Variants in RIMS2 observed in about 807,000 individuals in gnomAD.
RIMS2 encodes regulating synaptic membrane exocytosis protein 2.
RIMS2 carries 59 observed loss-of-function variants against 174.4 expected under a neutral mutation model. The ratio of observed to expected loss-of-function variants is 0.34; its 90% CI spans 0.27 to 0.42. The LOEUF is 0.42. Among genes scored for constraint, RIMS2 ranks in the 10% least tolerant of loss-of-function variants. RIMS2 has a pLI of 1.00. For missense variants in RIMS2, 1,620 were observed against 1,666.3 expected, an observed-to-expected ratio of 0.97 and a Z score of 0.48; for synonymous variants, 606 against 572.5, an observed-to-expected ratio of 1.06 and a Z score of -0.84.
chr8:103,836,514 C>A (rs2098892902), intron 3 of RIMS2, among the ~76,000 whole-genome samples: 1 of 152,156 alleles, frequency 6.6e-6, no homozygotes, highest in Admixed American at 6.5e-5. Context: ...TGAGCCATGA[C>A]ATGTTTGCAC....
intron 19 of RIMS2, among the ~76,000 whole-genome samples, chr8:104,224,137 T>G (rs1018277902): frequency 1.3e-5 from 2 of 152,226 alleles, no homozygotes; most frequent in African/African-American, 4.8e-5. Flanking sequence ...AGTCCGGGTA[T>G]TAGCATTCGG....
chr8:104,042,358 T>C (rs1464359604), intron 19 of RIMS2, among the ~76,000 whole-genome samples: 1 of 151,636 alleles, frequency 6.6e-6, no homozygotes, highest in Non-Finnish European at 1.5e-5. Context: ...TACTGACACA[T>C]ATAAAGCAAC....
At chr8:104,044,098 C>T (rs2096652654) in intron 19 of RIMS2, among the ~76,000 whole-genome samples, 2 of 151,546 alleles carry the variant, frequency 1.3e-5, no homozygotes, top group African/African-American at 4.8e-5. Context: ...AGATAGTATT[C>T]TTGAAGGGTC....
At chr8:104,000,740 A>C (rs1264416059) in intron 17 of RIMS2, among the ~76,000 whole-genome samples, 1 of 151,710 alleles carries the variant, frequency 6.6e-6, no homozygotes, top group Non-Finnish European at 1.5e-5. Context: ...GAATTTTTTT[A>C]TAATAGGCAT....
chr8:103,634,667 C>T (rs890898239), intron 1 of RIMS2, among the ~76,000 whole-genome samples: 28 of 152,146 alleles, frequency 1.8e-4, no homozygotes, highest in Non-Finnish European at 3.1e-4. Flanking sequence ...CTCTGTAATT[C>T]TCTAGGAACT....
intron 14 of RIMS2, among the ~76,000 whole-genome samples, chr8:103,950,370 AT>A (rs1283109348): frequency 1.3e-5 from 2 of 152,204 alleles, no homozygotes; most frequent in Non-Finnish European, 2.9e-5. Flanking sequence ...AGCATATTAA[AT>A]TTAGAAATAT....
intron 1 of RIMS2, among the ~76,000 whole-genome samples, chr8:103,618,322 A>G (rs2095553562): frequency 1.3e-5 from 2 of 151,158 alleles, no homozygotes; most frequent in Non-Finnish European, 3.0e-5. Flanking sequence ...ATCTACTTGA[A>G]TGGGGAGGGT....
chr8:104,029,483 T>C (rs2096338598), intron 19 of RIMS2, among the ~76,000 whole-genome samples: 1 of 152,204 alleles, frequency 6.6e-6, no homozygotes, highest in South Asian at 2.1e-4. Context: ...ATATTACCTT[T>C]TCTATCAATC....
chr8:103,526,753 T>C (rs1834178587), intron 1 of RIMS2, among the ~76,000 whole-genome samples: 1 of 151,812 alleles, frequency 6.6e-6, no homozygotes, highest in Non-Finnish European at 1.5e-5. Context: ...AATATAACAG[T>C]ATGTAGGAGA....
At chr8:104,055,373 A>G (rs942532790) in intron 19 of RIMS2, among the ~76,000 whole-genome samples, 4 of 152,178 alleles carry the variant, frequency 2.6e-5, no homozygotes, top group African/African-American at 9.6e-5. Context: ...GGGTGATAAT[A>G]CATGCTACTC....
At chr8:104,194,360 AGT>A (rs2099013043) in intron 19 of RIMS2, among the ~76,000 whole-genome samples, 4 of 152,176 alleles carry the variant, frequency 2.6e-5, no homozygotes, top group Admixed American at 2.6e-4. Context: ...GTGCTCTTAT[AGT>A]GTTTCAAAAT....
chr8:103,933,684 G>A (rs1248640532), intron 12 of RIMS2, among the ~76,000 whole-genome samples: 1 of 152,016 alleles, frequency 6.6e-6, no homozygotes, highest in Non-Finnish European at 1.5e-5. Flanking sequence ...AAATTTTATA[G>A]CTTACTTTAT....
intron 2 of RIMS2, among the ~76,000 whole-genome samples, chr8:103,703,711 TAGTTA>T (rs1268856658): frequency 2.0e-5 from 3 of 152,224 alleles, no homozygotes. Flanking sequence ...TTCTCTTCTT[TAGTTA>T]AGTTTATTCC....
chr8:103,744,442 T>TA (rs2097788762), intron 2 of RIMS2, among the ~76,000 whole-genome samples: 1 of 152,242 alleles, frequency 6.6e-6, no homozygotes, highest in Non-Finnish European at 1.5e-5. Flanking sequence ...AATTATATTA[T>TA]TTTCATAAAA....
chr8:103,917,552 G>T (rs1218622821), intron 8 of RIMS2, among the ~76,000 whole-genome samples: 3 of 152,148 alleles, frequency 2.0e-5, no homozygotes, highest in Admixed American at 6.5e-5. Flanking sequence ...ATATTTTAAA[G>T]AATTTATAGT....
At chr8:103,655,205 C>G (rs1339581335) in intron 1 of RIMS2, among the ~76,000 whole-genome samples, 1 of 151,828 alleles carries the variant, frequency 6.6e-6, no homozygotes, top group Non-Finnish European at 1.5e-5. Context: ...TTAATTCACC[C>G]TTTGTAGAAA....
intron 12 of RIMS2, among the ~76,000 whole-genome samples, chr8:103,932,450 C>CATCAA (rs1419895654): frequency 6.6e-6 from 1 of 152,152 alleles, no homozygotes; most frequent in Admixed American, 6.5e-5. Flanking sequence ...CAAGATGCCA[C>CATCAA]AACATCAAAA....
chr8:104,093,691 C>T, intron 19 of RIMS2, 48 bp downstream of exon 24: 1 of 1,389,852 alleles, frequency 7.2e-7, no homozygotes. Context: ...TTTAGAAGGT[C>T]TTTATGTTTC....
intron 19 of RIMS2, 56 bp from the exon 23 acceptor site, chr8:104,068,456 C>A (rs138368499): frequency 3.9e-6 from 3 of 762,884 alleles, no homozygotes; most frequent in East Asian, 5.5e-5. Flanking sequence ...TCCTGTAAGT[C>A]GGACTCAGAA....
Sources: gnomAD v4.1 joint callset for allele counts (sites outside exome capture counted in the v4.1 genomes callset) on GRCh38, gnomAD v4.1.1 for gene constraint, MANE v1.5 for transcripts, NCBI Gene and HGNC (gene_info 2026-07-23, HGNC 2026-07-21) for gene names.